Variants in NELL2 observed in about 807,000 individuals in gnomAD.
NELL2 encodes the protein protein kinase C-binding protein NELL2.
In NELL2, 41 loss-of-function variants were observed where a neutral mutation model predicts 109.6. That is an observed-to-expected ratio of 0.37 (90% confidence interval 0.29 to 0.49). The LOEUF is 0.49. NELL2 is among the 20% of genes least tolerant of loss of function. The probability of loss-of-function intolerance (pLI) is 0.98; values close to 1 mark genes in which losing one functional copy is unlikely to be tolerated. For synonymous variants in NELL2, 355 were observed against 344.7 expected, an observed-to-expected ratio of 1.03 and a Z score of -0.33; for missense variants, 900 against 1,008.3, an observed-to-expected ratio of 0.89 and a Z score of 1.45.
At chr12:44,616,292 T>G (rs960938124) in intron 13 of NELL2, among the ~76,000 whole-genome samples, 2 of 152,208 alleles carry the variant, frequency 1.3e-5, no homozygotes, top group Non-Finnish European at 2.9e-5. Context: ...TCTACTCTTC[T>G]GTTCAAATTT....
intron 9 of NELL2, among the ~76,000 whole-genome samples, chr12:44,730,864 T>C (rs1939332327): frequency 1.3e-5 from 2 of 151,884 alleles, no homozygotes; most frequent in Admixed American, 1.3e-4. Flanking sequence ...ATCAACAACA[T>C]TGACAAACCT....
At chr12:44,859,076 C>A (rs1298463657) in intron 2 of NELL2, among the ~76,000 whole-genome samples, 4 of 152,164 alleles carry the variant, frequency 2.6e-5, no homozygotes, top group Non-Finnish European at 5.9e-5. Flanking sequence ...GTTTTCTAAT[C>A]ATTCTTCAAG....
intron 1 of NELL2, among the ~76,000 whole-genome samples, chr12:44,881,375 A>G (rs928093837): frequency 2.6e-5 from 4 of 151,990 alleles, no homozygotes; most frequent in African/African-American, 9.7e-5. Context: ...ATAAACACAA[A>G]TACTCTTGAA....
intron 15 of NELL2, among the ~76,000 whole-genome samples, chr12:44,597,727 T>G (rs1945022784): frequency 2.0e-5 from 3 of 152,000 alleles, no homozygotes; most frequent in Admixed American, 6.6e-5. Context: ...ATAGGTTCCA[T>G]CTCTACTTTC....
At chr12:44,623,795 T>A (rs1320572482) in intron 13 of NELL2, among the ~76,000 whole-genome samples, 1 of 152,142 alleles carries the variant, frequency 6.6e-6, no homozygotes, top group African/African-American at 2.4e-5. Context: ...CAGACATGAA[T>A]AGAAACGTGA....
chr12:44,665,690 G>A, intron 12 of NELL2, 81 bp from the exon 13 acceptor site: 2 of 1,406,298 alleles, frequency 1.4e-6, no homozygotes, highest in Non-Finnish European at 1.9e-6. Flanking sequence ...GTAGGGAGAG[G>A]GAAGTATTTA....
At chr12:44,860,469 G>A (rs1458067838) in intron 2 of NELL2, among the ~76,000 whole-genome samples, 2 of 152,066 alleles carry the variant, frequency 1.3e-5, no homozygotes, top group African/African-American at 4.8e-5. Context: ...ACATCAAGGT[G>A]TCAGTAGGGC....
At chr12:44,876,693 C>T (rs1566582606), upstream of NELL2, 3 of 1,550,164 alleles carry the variant, frequency 1.9e-6, no homozygotes, top group East Asian at 7.3e-5. Context: ...GAGTAGCGCT[C>T]GCCTGCCCTT....
chr12:44,712,965 T>A (rs1239195821), intron 10 of NELL2, among the ~76,000 whole-genome samples: 1 of 151,924 alleles, frequency 6.6e-6, no homozygotes, highest in East Asian at 1.9e-4. Context: ...TGGTGCCTTT[T>A]GTTTGAGCAA....
Position 44,771,144 on chromosome 12 carries a change from T to A in NELL2, c.994+3603A>T, listed in dbSNP as rs1941531417. Among the ~76,000 whole-genome samples the A allele has an allele frequency of 1.3e-5, 2 of 152,118 alleles. 1 individual carries two copies. Among genetic ancestry groups the A allele is most frequent in the South Asian group, 4.1e-4 (2 of 4,822 alleles). On this transcript the variant is annotated intron_variant, in intron 9 of 19. Coordinates refer to ENST00000429094, the MANE Select transcript of NELL2 (RefSeq NM_001145108.2). Reference sequence around the variant, plus strand: ...TACAGCTATCTTGAATATGTGTCACTAAATGTCCCTGTTTGCTAGTTGAGA... The same window carrying A: ...TACAGCTATCTTGAATATGTGTCACAAAATGTCCCTGTTTGCTAGTTGAGA...
intron 14 of NELL2, among the ~76,000 whole-genome samples, chr12:44,608,925 T>C (rs1304464245): frequency 6.7e-6 from 1 of 150,278 alleles, no homozygotes; most frequent in Non-Finnish European, 1.5e-5. Flanking sequence ...TGTATATATA[T>C]ATTTTTCCTA....
intron 1 of NELL2, among the ~76,000 whole-genome samples, chr12:44,903,306 C>T (rs993033717): frequency 3.3e-5 from 5 of 152,164 alleles, no homozygotes; most frequent in Non-Finnish European, 5.9e-5. Context: ...CATCACTGGT[C>T]ATTAGAGAAA....
chr12:44,836,362 C>T (rs993519273), intron 2 of NELL2, among the ~76,000 whole-genome samples: 1 of 152,184 alleles, frequency 6.6e-6, no homozygotes, highest in African/African-American at 2.4e-5. Flanking sequence ...GTTACCCAAG[C>T]CTAGAACTGC....
At position 44,665,563 on chromosome 12, in the gene NELL2, T is replaced by G; in HGVS notation, c.1365A>C (p.Thr455=). 6.2e-7 allele frequency: 1 copy of G among 1,613,582 alleles called. No individual in the cohort carries two copies. Among genetic ancestry groups the G allele is most frequent in the Non-Finnish European group, 8.5e-7 (1 of 1,179,530 alleles). The change falls in exon 13 of 20, where the codon ACA becomes ACC. Residue 455 remains threonine, a synonymous_variant. Transcript: ENST00000429094. ...AEGRHYCREN[T]MCVNTPGSFM... ...AAGAACCCGGGGTGTTGACACACATTGTATTTTCACGACAGTAATGGCGCC... is the reference window on the plus strand; with the variant it reads ...AAGAACCCGGGGTGTTGACACACATGGTATTTTCACGACAGTAATGGCGCC...
intron 15 of NELL2, among the ~76,000 whole-genome samples, chr12:44,533,002 T>C (rs1942151443): frequency 1.3e-5 from 2 of 152,162 alleles, no homozygotes; most frequent in South Asian, 2.1e-4. Context: ...TGCTCACCAA[T>C]ATTTTAGCTC....
At chr12:44,544,301 G>T (rs534101196) in intron 15 of NELL2, among the ~76,000 whole-genome samples, 8 of 152,174 alleles carry the variant, frequency 5.3e-5, no homozygotes, top group African/African-American at 1.9e-4. Flanking sequence ...GTCTGAAATT[G>T]ATCAATTAAA....
chr12:44,876,811 C>A, upstream of NELL2: 1 of 1,353,006 alleles, frequency 7.4e-7, no homozygotes, highest in Non-Finnish European at 9.5e-7. Context: ...CACCAAAACA[C>A]GCTGCACTGC....
At chr12:44,880,130 C>A (rs1809752759), upstream of NELL2, among the ~76,000 whole-genome samples, 1 of 142,202 alleles carries the variant, frequency 7.0e-6, no homozygotes. Context: ...CACACACACA[C>A]ACACACACAC....
Position 44,885,732 on chromosome 12 carries a change from T to C in NELL2, c.39-9832A>G, listed in dbSNP as rs182240947. ...ATATTGATATAAAGATTCAAGAAAA[T>C]CTCAATAAAAATCCCAGCAGGCTAT... On this transcript the variant is annotated intron_variant, in intron 1 of 20. Transcript: ENST00000333837. 7.5e-3 allele frequency among the ~76,000 whole-genome samples: 1,146 copies of C among 151,836 alleles called. 12 individuals carry two copies. The highest frequency in any genetic ancestry group is 0.022 in the African/African-American group (893 of 41,344).
Sources: gnomAD v4.1 joint callset for allele counts (sites outside exome capture counted in the v4.1 genomes callset) on GRCh38, gnomAD v4.1.1 for gene constraint, MANE v1.5 for transcripts, NCBI Gene and HGNC (gene_info 2026-07-23, HGNC 2026-07-21) for gene names.